The following MED27 variants were observed in gnomAD, a reference collection of about 807,000 sequenced individuals.
The protein encoded by MED27 is mediator of RNA polymerase II transcription subunit 27.
MED27 carries 30 observed loss-of-function variants against 38.2 expected under a neutral mutation model. That is an observed-to-expected ratio of 0.79 (90% confidence interval 0.59 to 1.07). The LOEUF is 1.07. MED27 is among the 50% of genes least tolerant of loss of function. The pLI is 0.00. For synonymous variants in MED27, 122 were observed against 153.5 expected (o/e 0.79, Z 1.52); for missense variants, 289 against 397.5 (o/e 0.73, Z 2.32).
chr9:132,026,981 C>A (rs1305843520), intron 2 of MED27, among the ~76,000 whole-genome samples: 1 of 152,188 alleles, frequency 6.6e-6, no homozygotes, highest in Non-Finnish European at 1.5e-5. Flanking sequence ...GGCTCTGGGG[C>A]CCCTGCTCTG....
At chr9:132,074,088 G>C (rs1833998145) in intron 2 of MED27, among the ~76,000 whole-genome samples, 1 of 152,224 alleles carries the variant, frequency 6.6e-6, no homozygotes, top group Non-Finnish European at 1.5e-5. Context: ...AGCAAGGACA[G>C]CGTTGATGCC....
rs1838678250 is a variant in MED27, at chr9:131,863,080, C to T, written c.784G>A (p.Val262Met). The T allele has an allele frequency of 2.5e-6, 4 of 1,614,052 alleles. No homozygotes were observed. The highest frequency in any genetic ancestry group is 2.2e-5 in the East Asian group (1 of 44,872). ...CCACTTACCATGAAGGATCGGACCA[C>T]GACATCCGGCATCTGGGGCAGCTGA... ...HYQLPQMPDV[V>M]VRSFMTWLRS... Residue 262 changes from valine to methionine, a missense_variant, in exon 7 of 8, where the codon GTG (valine) becomes ATG (methionine). Val to Met is a conservative substitution (Grantham distance 21, BLOSUM62 1). Coordinates refer to ENST00000292035, the MANE Select transcript of MED27 (RefSeq NM_004269.4).
At position 131,917,383 on chromosome 9, in the gene MED27, G is replaced by A. The variant is rs1463936806; in HGVS notation, c.573+21998C>T. Among the ~76,000 whole-genome samples, 1 of 152,136 alleles carries A rather than the reference G, an allele frequency of 6.6e-6. No homozygotes were observed. The highest frequency in any genetic ancestry group is 2.4e-5 in the African/African-American group (1 of 41,418). ...ACACCACCTATCCTAGAAAGGGGGG[G>A]CTTTATCCTGCAAGCAACAGGAGCC... On this transcript the variant is annotated intron_variant, in intron 4 of 7. Transcript: ENST00000292035. The surrounding 1 kb of genome is among the most constrained non-coding windows in gnomAD (Gnocchi z 4.6).
intron 3 of MED27, among the ~76,000 whole-genome samples, chr9:131,985,376 G>T (rs1831826903): frequency 6.6e-6 from 1 of 152,146 alleles, no homozygotes; most frequent in Non-Finnish European, 1.5e-5. Flanking sequence ...CATTCTATGT[G>T]CTTTGTGAAT....
At chr9:131,867,921 C>T (rs1341718033) in intron 6 of MED27, among the ~76,000 whole-genome samples, 1 of 152,150 alleles carries the variant, frequency 6.6e-6, no homozygotes, top group Non-Finnish European at 1.5e-5. Context: ...CTTTGAGTGG[C>T]AAGGCTGGGG....
At chr9:132,017,915 A>G (rs1323551737) in intron 2 of MED27, among the ~76,000 whole-genome samples, 1 of 152,224 alleles carries the variant, frequency 6.6e-6, no homozygotes, top group Non-Finnish European at 1.5e-5. Flanking sequence ...TGATCTACTG[A>G]ATCGTTTTTA....
At chr9:132,020,669 CT>C (rs1161675221) in intron 2 of MED27, among the ~76,000 whole-genome samples, 1 of 152,146 alleles carries the variant, frequency 6.6e-6, no homozygotes, top group Non-Finnish European at 1.5e-5. Flanking sequence ...TCTGGTTCTT[CT>C]TTTGAACATA....
At chr9:131,911,745 C>T (rs570196264) in intron 4 of MED27, among the ~76,000 whole-genome samples, 1 of 152,296 alleles carries the variant, frequency 6.6e-6, no homozygotes, top group African/African-American at 2.4e-5. Context: ...TACCTAGCAA[C>T]GTATTCATTA....
At chr9:131,904,542 G>A (rs1019338633) in intron 4 of MED27, among the ~76,000 whole-genome samples, 1 of 149,790 alleles carries the variant, frequency 6.7e-6, no homozygotes, top group Non-Finnish European at 1.5e-5. Flanking sequence ...TAGAGATCGG[G>A]GGGGAGCGGT....
chr9:132,073,284 CTG>C, intron 2 of MED27: 1 of 975,878 alleles, frequency 1.0e-6, no homozygotes, highest in Non-Finnish European at 1.2e-6. Context: ...AATGCCCTCA[CTG>C]TACTTCATCA....
intron 3 of MED27, among the ~76,000 whole-genome samples, chr9:131,948,502 CAAAAAAA>C (rs79571086): frequency 7.0e-6 from 1 of 143,164 alleles, no homozygotes; most frequent in African/African-American, 2.6e-5. Context: ...AAAACAAAAA[CAAAAAAA>C]AAAAACAAAA....
chr9:131,924,364 C>A (rs1830446811), intron 4 of MED27, among the ~76,000 whole-genome samples: 1 of 152,034 alleles, frequency 6.6e-6, no homozygotes. Flanking sequence ...TTAAGTATCT[C>A]ATATATATAT....
chr9:131,900,088 C>G (rs1215001960), intron 4 of MED27, among the ~76,000 whole-genome samples: 2 of 152,240 alleles, frequency 1.3e-5, no homozygotes, highest in Non-Finnish European at 2.9e-5. Flanking sequence ...AGCTTGCTCA[C>G]TACTCATGGT....
chr9:132,057,727 T>A (rs931097739), intron 2 of MED27, among the ~76,000 whole-genome samples: 1 of 152,220 alleles, frequency 6.6e-6, no homozygotes, highest in Non-Finnish European at 1.5e-5. Flanking sequence ...ACGTTACTCA[T>A]GAAAGTGAAA....
intron 6 of MED27, among the ~76,000 whole-genome samples, chr9:131,866,766 G>A (rs1456622562): frequency 1.3e-5 from 2 of 152,190 alleles, no homozygotes; most frequent in African/African-American, 2.4e-5. Context: ...GATTGCCATC[G>A]TTCAACTAGA....
At chr9:132,012,899 T>C (rs1832515156) in intron 3 of MED27, among the ~76,000 whole-genome samples, 1 of 152,116 alleles carries the variant, frequency 6.6e-6, no homozygotes, top group Non-Finnish European at 1.5e-5. Context: ...GTAGGTACAA[T>C]AAATATTTGC....
chr9:131,973,457 C>CTTTTTTTTTTTTT (rs747946439), intron 3 of MED27, among the ~76,000 whole-genome samples: 14 of 122,166 alleles, frequency 1.1e-4, no homozygotes, highest in Admixed American at 1.8e-4. Flanking sequence ...TTTTTCTTTT[C>CTTTTTTTTTTTTT]TTTTTTTTTT....
At chr9:132,077,363 A>G in intron 2 of MED27, 79 bp downstream of exon 2, 2 of 1,351,450 alleles carry the variant, frequency 1.5e-6, no homozygotes, top group South Asian at 1.3e-5. Context: ...ATAAAAACAT[A>G]CTCTTGCTTT....
intron 3 of MED27, among the ~76,000 whole-genome samples, chr9:132,004,131 T>A (rs887810839): frequency 5.3e-5 from 8 of 152,162 alleles, no homozygotes; most frequent in African/African-American, 7.2e-5. Flanking sequence ...GAATCAGTTC[T>A]CCTGTCCGCC....
Sources: allele counts gnomAD v4.1 joint callset (sites outside exome capture counted in the v4.1 genomes callset), GRCh38; gene constraint gnomAD v4.1.1; non-coding constraint Gnocchi (gnomAD v3.1); transcripts MANE v1.5; gene names NCBI Gene and HGNC (gene_info 2026-07-23, HGNC 2026-07-21).